The following SLCO1B3 variants were observed in gnomAD, a reference collection of about 807,000 sequenced individuals.
The protein encoded by SLCO1B3 is liver-specific organic anion transporter 2.
A neutral mutation model predicts 71.8 loss-of-function variants in SLCO1B3; 72 were observed. The ratio of observed to expected loss-of-function variants is 1.00; its 90% confidence interval spans 0.83 to 1.22. The LOEUF is 1.22. SLCO1B3 is among the 50% of genes most tolerant of loss of function. SLCO1B3 has a pLI of 0.00. For missense variants in SLCO1B3, 911 were observed against 819.7 expected, an observed-to-expected ratio of 1.11 and a Z score of -1.36; for synonymous variants, 298 against 278.4, an observed-to-expected ratio of 1.07 and a Z score of -0.70.
At position 20,883,607 on chromosome 12, in the gene SLCO1B3, G is replaced by A; in HGVS notation, c.1682+5G>A. ...ATTTATCTTGTTGACTGTGAAGTAA[G>A]TATGATCCTGTAAAACATTGTCATG... is the stretch of plus-strand genomic sequence containing the variant. On this transcript the variant is annotated splice_donor_5th_base_variant and intron_variant, in intron 13 of 15. Transcript: ENST00000381545. 1 of 1,562,518 alleles carries A rather than the reference G, an allele frequency of 6.4e-7. No homozygotes were observed. Among genetic ancestry groups the A allele is most frequent in the Non-Finnish European group, 8.7e-7 (1 of 1,154,278 alleles).
intron 13 of SLCO1B3, among the ~76,000 whole-genome samples, chr12:20,884,853 G>A (rs903188800): frequency 6.6e-6 from 1 of 151,474 alleles, no homozygotes; most frequent in Non-Finnish European, 1.5e-5. Flanking sequence ...GTTTACAGTT[G>A]TTAAATTTTC....
At chr12:20,871,634 C>A (rs1004280379) in intron 8 of SLCO1B3, among the ~76,000 whole-genome samples, 1 of 152,092 alleles carries the variant, frequency 6.6e-6, no homozygotes, top group Non-Finnish European at 1.5e-5. Context: ...AGAGGTACTG[C>A]CTTGGTGGCC....
Position 20,910,947 on chromosome 12 carries a change from C to CT in SLCO1B3, c.1866-5047dup, listed in dbSNP as rs200780089. Among the ~76,000 whole-genome samples the CT allele has an allele frequency of 1.4e-4, 20 of 147,586 alleles. No individual in the cohort carries two copies. The East Asian group carries it at 2.0e-3, about 15-fold the overall frequency. On this transcript the variant is annotated intron_variant, in intron 15 of 15. Transcript: ENST00000381545. Reference sequence around the variant, plus strand: ...CTGTATATATACCATTCCCTTTTGACTTTTTTTTTTAATCACATGGACTTT... The same window carrying CT: ...CTGTATATATACCATTCCCTTTTGACTTTTTTTTTTTAATCACATGGACTTT...
chr12:20,851,703 G>A (rs1398865260), intron 3 of SLCO1B3, among the ~76,000 whole-genome samples: 1 of 152,098 alleles, frequency 6.6e-6, no homozygotes, highest in African/African-American at 2.4e-5. Context: ...TTTGTTGCCT[G>A]TGCTTTGGGT....
chr12:20,902,182 C>A, intron 15 of SLCO1B3: 1 of 197,920 alleles, frequency 5.1e-6, no homozygotes, highest in Non-Finnish European at 1.0e-5. Context: ...GTGTATATAC[C>A]CAATAATAGG....
At chr12:20,845,068 A>G (rs1364218317) in intron 3 of SLCO1B3, 2 of 372,434 alleles carry the variant, frequency 5.4e-6, no homozygotes, top group East Asian at 1.4e-4. Context: ...TATCCCTCTA[A>G]GTTTCAGAGA....
intron 3 of SLCO1B3, among the ~76,000 whole-genome samples, chr12:20,836,466 T>A (rs1483481415): frequency 6.6e-6 from 1 of 152,170 alleles, no homozygotes; most frequent in African/African-American, 2.4e-5. Flanking sequence ...TTTTTGTTAT[T>A]GTAATATCTT....
At position 20,879,524 on chromosome 12, in the gene SLCO1B3, C is replaced by G. The variant is rs754057250; in HGVS notation, c.1224C>G (p.Ala408=). Residue 408 remains alanine, a synonymous_variant, in exon 11 of 16, where the codon GCC becomes GCG. Transcript: ENST00000381545. ...KKFKLSLVGI[A]KFSFLTSMIS... is the part of the protein sequence containing the mutation. ...TCAAATTGTCTTTAGTTGGAATTGCCAAATTTTCATTTCTTACTTCGATGA... is the reference window on the plus strand; with the variant it reads ...TCAAATTGTCTTTAGTTGGAATTGCGAAATTTTCATTTCTTACTTCGATGA... The G allele has an allele frequency of 8.7e-6, 14 of 1,611,068 alleles. No homozygotes were observed. In the East Asian group the frequency reaches 3.1e-4, roughly 36 times the overall value.
chr12:20,841,535 C>T (rs369271564), intron 3 of SLCO1B3, among the ~76,000 whole-genome samples: 2 of 151,876 alleles, frequency 1.3e-5, no homozygotes, highest in East Asian at 1.9e-4. Context: ...ATTGTCTGTA[C>T]GATACCTACT....
rs775611499 is a variant in SLCO1B3, at chr12:20,880,894, T to C, written c.1371T>C (p.Ser457=). The change falls in exon 12 of 16, where the codon TCT becomes TCC. Residue 457 remains serine (S), a synonymous_variant. Coordinates refer to ENST00000381545, the MANE Select transcript of SLCO1B3 (RefSeq NM_019844.4). ...SVASHVDVPL[S]YCNSECNCDE... ...CATCTCATGTAGATGTACCACTTTC[T>C]TATTGCAACTCAGAGTGCAATTGTG... The C allele has an allele frequency of 3.4e-5, 55 of 1,610,148 alleles. No individual in the cohort carries two copies. The East Asian group carries it at 1.2e-3, about 36-fold the overall frequency.
intron 8 of SLCO1B3, among the ~76,000 whole-genome samples, chr12:20,872,057 A>G (rs981925545): frequency 6.6e-6 from 1 of 152,014 alleles, no homozygotes; most frequent in African/African-American, 2.4e-5. Flanking sequence ...TACCTGTAAT[A>G]GATATCTGTT....
chr12:20,902,498 A>G (rs1233855508), intron 15 of SLCO1B3, among the ~76,000 whole-genome samples: 1 of 152,210 alleles, frequency 6.6e-6, no homozygotes, highest in Non-Finnish European at 1.5e-5. Flanking sequence ...TGGGAGCTAA[A>G]CATTAAGTAC....
intron 3 of SLCO1B3, among the ~76,000 whole-genome samples, chr12:20,830,189 G>T (rs988946390): frequency 1.3e-5 from 2 of 152,148 alleles, no homozygotes; most frequent in African/African-American, 4.8e-5. Flanking sequence ...TAAGAGCCTT[G>T]TGAAAGGTTA....
intron 14 of SLCO1B3, among the ~76,000 whole-genome samples, chr12:20,899,612 G>A (rs1866087094): frequency 6.6e-6 from 1 of 152,144 alleles, no homozygotes; most frequent in South Asian, 2.1e-4. Context: ...GTCCCTTTCT[G>A]TGTCCCTAAT....
At chr12:20,832,941 A>G (rs1404202247) in intron 3 of SLCO1B3, among the ~76,000 whole-genome samples, 2 of 115,838 alleles carry the variant, frequency 1.7e-5, no homozygotes, top group Non-Finnish European at 4.1e-5. Context: ...GCATAAAACA[A>G]ACAAAAAAAA....
intron 3 of SLCO1B3, among the ~76,000 whole-genome samples, chr12:20,853,374 T>G (rs984442650): frequency 3.3e-5 from 5 of 152,024 alleles, no homozygotes; most frequent in African/African-American, 1.2e-4. Context: ...GGTTTTATCT[T>G]TTTTGGAAGT....
intron 13 of SLCO1B3, among the ~76,000 whole-genome samples, chr12:20,887,746 G>T (rs1473097707): frequency 6.6e-6 from 1 of 150,720 alleles, no homozygotes; most frequent in East Asian, 1.9e-4. Flanking sequence ...AGTTCCATTG[G>T]TGTATTATTT....
At chr12:20,887,429 A>G (rs1342879111) in intron 13 of SLCO1B3, among the ~76,000 whole-genome samples, 1 of 151,938 alleles carries the variant, frequency 6.6e-6, no homozygotes, top group African/African-American at 2.4e-5. Flanking sequence ...GTATAAGATG[A>G]TATCTCATTA....
At chr12:20,848,616 C>G (rs1035510521) in intron 3 of SLCO1B3, among the ~76,000 whole-genome samples, 1 of 152,064 alleles carries the variant, frequency 6.6e-6, no homozygotes, top group African/African-American at 2.4e-5. Context: ...GGTAAAGAAA[C>G]TGTGATACAG....
Sources: allele counts gnomAD v4.1 joint callset (sites outside exome capture counted in the v4.1 genomes callset), GRCh38; gene constraint gnomAD v4.1.1; transcripts MANE v1.5; gene names NCBI Gene and HGNC (gene_info 2026-07-23, HGNC 2026-07-21).